The following PSMA1 variants were observed in gnomAD, a reference collection of about 807,000 sequenced individuals.
PSMA1 encodes the protein proteasome subunit alpha type-1.
In PSMA1, 3 loss-of-function variants were observed where a neutral mutation model predicts 38.4. The ratio of observed to expected loss-of-function variants is 0.08; its 90% CI spans 0.04 to 0.20. PSMA1 has a LOEUF of 0.20. Among genes scored for constraint, PSMA1 ranks in the 10% least tolerant of loss-of-function variants. The pLI, the probability that PSMA1 is intolerant of heterozygous loss-of-function variation, is 1.00. For synonymous variants in PSMA1, 101 were observed against 107.1 expected, an observed-to-expected ratio of 0.94 and a Z score of 0.35; for missense variants, 227 against 325.3, an observed-to-expected ratio of 0.70 and a Z score of 2.32.
intron 1 of PSMA1, among the ~76,000 whole-genome samples, chr11:14,622,626 G>A (rs536417558): frequency 1.3e-5 from 2 of 152,324 alleles, no homozygotes; most frequent in East Asian, 1.9e-4. Context: ...TGCATCTTGC[G>A]TGTGCCACCA....
intron 1 of PSMA1, among the ~76,000 whole-genome samples, chr11:14,623,691 T>C (rs1398415272): frequency 1.3e-5 from 2 of 152,184 alleles, no homozygotes; most frequent in African/African-American, 4.8e-5. Flanking sequence ...GTCTTTGTTG[T>C]TGGCTACCCT....
At chr11:14,508,139 A>T (rs950679957) in intron 8 of PSMA1, among the ~76,000 whole-genome samples, 22 of 152,336 alleles carry the variant, frequency 1.4e-4, no homozygotes, top group African/African-American at 4.8e-4. Context: ...ATTAACTTCA[A>T]GTAGGCCTTA....
In PSMA1 at chr11:14,587,002, C is replaced by A. The variant is rs139193053; in HGVS notation, c.21+23964G>T. 1.7e-4 allele frequency among the ~76,000 whole-genome samples: 26 copies of A among 152,218 alleles called. No individual in the cohort carries two copies. In the East Asian group the frequency reaches 5.0e-3, roughly 29 times the overall value. The stretch of plus-strand genomic sequence containing the variant: ...GTCTCGATCTCCTGACCTCGTGATC[C>A]GCCTGCCTCGGCCTCTCAATCTCTT... On this transcript the variant is annotated intron_variant, in intron 2 of 10. Coordinates refer to the PSMA1 transcript ENST00000418988.
At chr11:14,612,730 T>C (rs1386773012) in intron 1 of PSMA1, among the ~76,000 whole-genome samples, 2 of 152,202 alleles carry the variant, frequency 1.3e-5, no homozygotes, top group African/African-American at 2.4e-5. Flanking sequence ...TGTATCTTCC[T>C]GCTACCTTTA....
At chr11:14,507,008 G>GT (rs1851254635) in intron 9 of PSMA1, among the ~76,000 whole-genome samples, 1 of 152,184 alleles carries the variant, frequency 6.6e-6, no homozygotes, top group African/African-American at 2.4e-5. Context: ...TGACTGCAAT[G>GT]TTTGAGAGAT....
At chr11:14,525,665 C>T (rs911651677) in intron 2 of PSMA1, among the ~76,000 whole-genome samples, 4 of 152,140 alleles carry the variant, frequency 2.6e-5, no homozygotes, top group Non-Finnish European at 4.4e-5. Flanking sequence ...CTCTTTTGTC[C>T]TCAATACCTT....
chr11:14,606,986 G>A (rs753931885), intron 2 of PSMA1, among the ~76,000 whole-genome samples: 6 of 152,322 alleles, frequency 3.9e-5, no homozygotes, highest in Admixed American at 6.5e-5. Context: ...GCCTGCCCCT[G>A]TAAAATATAT....
chr11:14,574,562 T>G (rs1164748287), intron 2 of PSMA1, among the ~76,000 whole-genome samples: 1 of 152,130 alleles, frequency 6.6e-6, no homozygotes, highest in South Asian at 2.1e-4. Context: ...ATAATCCCCA[T>G]GTGTTGTGGG....
chr11:14,595,883 A>G (rs1241876777), intron 2 of PSMA1, among the ~76,000 whole-genome samples: 2 of 152,192 alleles, frequency 1.3e-5, no homozygotes, highest in East Asian at 1.9e-4. Context: ...TAGGTCTAAC[A>G]GTTAAGTCTT....
In PSMA1 at chr11:14,603,181, G is replaced by A. The variant is rs549636306; in HGVS notation, c.21+7785C>T. Reference sequence around the variant, plus strand: ...TTCCTCTCACTGTTTTAACCCTGGAGGATCCAGAGGCAGCCTGATGGTGAG... The same window carrying A: ...TTCCTCTCACTGTTTTAACCCTGGAAGATCCAGAGGCAGCCTGATGGTGAG... On this transcript the variant is annotated intron_variant, in intron 2 of 10. Coordinates refer to the PSMA1 transcript ENST00000418988. Among the ~76,000 whole-genome samples, 218 of 152,308 alleles carry A rather than the reference G, an allele frequency of 1.4e-3. 1 individual carries two copies. The highest frequency in any genetic ancestry group is 5.0e-3 in the African/African-American group (208 of 41,558).
At chr11:14,630,065 C>G (rs1462925963) in intron 1 of PSMA1, among the ~76,000 whole-genome samples, 2 of 151,948 alleles carry the variant, frequency 1.3e-5, no homozygotes, top group Non-Finnish European at 2.9e-5. Flanking sequence ...AGATTTTGGG[C>G]TGAGACAATG....
At chr11:14,584,491 G>GTTTTT (rs1442575192) in intron 2 of PSMA1, among the ~76,000 whole-genome samples, 2 of 134,088 alleles carry the variant, frequency 1.5e-5, no homozygotes, top group African/African-American at 5.9e-5. Context: ...GGTTTGGAGT[G>GTTTTT]TTTTTTTTGT....
At chr11:14,630,383 G>T (rs1208719034) in intron 1 of PSMA1, among the ~76,000 whole-genome samples, 1 of 152,196 alleles carries the variant, frequency 6.6e-6, no homozygotes, top group East Asian at 1.9e-4. Context: ...AAGGGTTGTT[G>T]AATTTTGTCA....
In PSMA1 at chr11:14,519,015, G is replaced by T; in HGVS notation, c.30C>A (p.Val10=). Residue 10 remains valine, a synonymous_variant, in exon 2 of 10, where the codon GTC becomes GTA. Transcript: ENST00000396394. The part of the protein sequence containing the change: MFRNQYDND[V]TVWSPQGRIH... ...ATTTTACCTGGGGGCTCCAAACAGTGACATCATTGTCATACTGATTTCGAA... is the reference window on the plus strand; with the variant it reads ...ATTTTACCTGGGGGCTCCAAACAGTTACATCATTGTCATACTGATTTCGAA... The T allele has an allele frequency of 1.9e-6, 3 of 1,590,620 alleles. No individual in the cohort carries two copies. The highest frequency in any genetic ancestry group is 2.3e-5 in the South Asian group (2 of 87,472).
At chr11:14,566,168 G>A (rs1852068982) in intron 2 of PSMA1, among the ~76,000 whole-genome samples, 1 of 152,300 alleles carries the variant, frequency 6.6e-6, no homozygotes, top group South Asian at 2.1e-4. Flanking sequence ...GGGGAGCCAG[G>A]AGTATATGTG....
upstream of PSMA1, among the ~76,000 whole-genome samples, chr11:14,524,326 GGC>G (rs1851563619): frequency 6.6e-6 from 1 of 152,002 alleles, no homozygotes; most frequent in African/African-American, 2.4e-5. Flanking sequence ...ACATCCAGAT[GGC>G]CTGAAGCAAC....
chr11:14,562,371 A>G (rs1852019424), intron 2 of PSMA1, among the ~76,000 whole-genome samples: 1 of 152,170 alleles, frequency 6.6e-6, no homozygotes. Context: ...TGTCTTGCAA[A>G]CCAAAAAACC....
chr11:14,517,078 AT>A (rs1851442222), intron 4 of PSMA1, among the ~76,000 whole-genome samples: 1 of 152,300 alleles, frequency 6.6e-6, no homozygotes, highest in African/African-American at 2.4e-5. Context: ...TCATTTATGT[AT>A]TGCCTTTTAA....
intron 2 of PSMA1, among the ~76,000 whole-genome samples, chr11:14,536,629 T>C (rs1212119983): frequency 6.7e-6 from 1 of 148,540 alleles, no homozygotes; most frequent in East Asian, 2.0e-4. Context: ...TTTTTATTTT[T>C]GAGACGGAGT....
Sources: allele counts gnomAD v4.1 joint callset (sites outside exome capture counted in the v4.1 genomes callset), GRCh38; gene constraint gnomAD v4.1.1; transcripts MANE v1.5; gene names NCBI Gene and HGNC (gene_info 2026-07-23, HGNC 2026-07-21).